The following MYO1E variants were observed in gnomAD, a reference collection of about 807,000 sequenced individuals.
The protein encoded by MYO1E is myosin IE.
MYO1E carries 68 observed loss-of-function variants against 151.1 expected under a neutral mutation model. The observed-to-expected ratio is 0.45, with a 90% confidence interval of 0.37 to 0.55. MYO1E has a LOEUF of 0.55. Among genes scored for constraint, MYO1E ranks in the 20% least tolerant of loss-of-function variants. MYO1E has a pLI of 0.00. For synonymous variants in MYO1E, 601 were observed against 501.7 expected (o/e 1.20, Z -2.64); for missense variants, 1,363 against 1,389.3 (o/e 0.98, Z 0.30).
Position 59,158,201 on chromosome 15 carries a change from T to C in MYO1E, c.2878+86A>G, listed in dbSNP as rs1684463687. 14 of 1,178,266 alleles carry C rather than the reference T, an allele frequency of 1.2e-5. No homozygotes were observed. In the South Asian group the frequency reaches 1.7e-4, roughly 14 times the overall value. 73.0% of individuals were successfully genotyped at this position (1,178,266 alleles called of 1,614,324 possible). ...GCCTGGTTAATATGTGTGCATTGAT[T>C]TGCTAATGGGTTTCTTCCCAAACAT... is the stretch of plus-strand genomic sequence containing the variant. On this transcript the variant is annotated intron_variant, in intron 25 of 27. Coordinates refer to ENST00000288235, the MANE Select transcript of MYO1E (RefSeq NM_004998.4).
At chr15:59,169,629 A>C (rs2079580528) in intron 22 of MYO1E, among the ~76,000 whole-genome samples, 3 of 152,314 alleles carry the variant, frequency 2.0e-5, no homozygotes, top group Admixed American at 2.0e-4. Flanking sequence ...ACAGCCTTTA[A>C]AAAGGAAAGA....
chr15:59,342,391 C>T (rs2080770879), intron 1 of MYO1E, among the ~76,000 whole-genome samples: 1 of 151,998 alleles, frequency 6.6e-6, no homozygotes. Context: ...TGATGTGATC[C>T]CATTTGTCCA....
At chr15:59,245,013 C>T (rs1044282648) in intron 4 of MYO1E, among the ~76,000 whole-genome samples, 1 of 152,140 alleles carries the variant, frequency 6.6e-6, no homozygotes, top group African/African-American at 2.4e-5. Context: ...TTACAGCCAG[C>T]GGCAGCCCCA....
At chr15:59,240,263 A>T (rs1325497714) in intron 4 of MYO1E, among the ~76,000 whole-genome samples, 7 of 152,244 alleles carry the variant, frequency 4.6e-5, no homozygotes, top group African/African-American at 1.7e-4. Context: ...ATTTCTAACA[A>T]ACTCCCTAGT....
chr15:59,368,301 C>T (rs1050466152), intron 1 of MYO1E, among the ~76,000 whole-genome samples: 15 of 152,338 alleles, frequency 9.8e-5, no homozygotes, highest in African/African-American at 3.1e-4. Context: ...CCTCCCTCCA[C>T]CAAATTATAA....
intron 1 of MYO1E, among the ~76,000 whole-genome samples, chr15:59,341,887 T>C (rs1478582042): frequency 1.3e-5 from 2 of 152,238 alleles, no homozygotes; most frequent in Non-Finnish European, 2.9e-5. Flanking sequence ...CACCTACCAA[T>C]GGAATTGCTG....
Position 59,236,377 on chromosome 15 carries a change from C to T in MYO1E, c.420+208G>A, listed in dbSNP as rs527918511. On this transcript the variant is annotated intron_variant, in intron 5 of 27. Coordinates refer to ENST00000288235, the MANE Select transcript of MYO1E (RefSeq NM_004998.4). The stretch of plus-strand genomic sequence containing the variant: ...GAAAAAAAAAAAATATATACACACA[C>T]ACACACACACACACACACACACACA... Among the ~76,000 whole-genome samples the T allele has an allele frequency of 0.075, 4,034 of 53,706 alleles. 338 individuals carry two copies. The highest frequency in any genetic ancestry group is 0.3 in the African/African-American group (3,772 of 12,596). The allele number at this position is 53,706 out of a possible 152,430, so 35.2% of individuals were successfully genotyped here.
intron 16 of MYO1E, 122 bp from the exon 17 acceptor site, chr15:59,195,689 T>C: frequency 9.9e-7 from 1 of 1,009,676 alleles, no homozygotes. Flanking sequence ...CATGACAATT[T>C]GCTCGTTAAG....
intron 7 of MYO1E, among the ~76,000 whole-genome samples, chr15:59,227,207 C>T (rs1036456058): frequency 6.6e-6 from 1 of 152,132 alleles, no homozygotes; most frequent in Non-Finnish European, 1.5e-5. Flanking sequence ...CAACACTCCT[C>T]GTTTTGTTTT....
chr15:59,271,548 A>C (rs1168392510), intron 2 of MYO1E, among the ~76,000 whole-genome samples: 1 of 152,216 alleles, frequency 6.6e-6, no homozygotes, highest in Non-Finnish European at 1.5e-5. Context: ...CAAATATCAC[A>C]GTTCCCTGTT....
intron 1 of MYO1E, among the ~76,000 whole-genome samples, chr15:59,352,496 G>C (rs143354431): frequency 6.6e-6 from 1 of 152,120 alleles, no homozygotes; most frequent in African/African-American, 2.4e-5. Flanking sequence ...ACCTAAATAC[G>C]CATGTGTCTA....
chr15:59,255,687 G>A (rs1056872136), intron 4 of MYO1E, among the ~76,000 whole-genome samples: 7 of 152,086 alleles, frequency 4.6e-5, no homozygotes, highest in South Asian at 2.1e-4. Context: ...TAACACAAAC[G>A]ATAGCTGAAG....
At chr15:59,185,889 C>T (rs1005274611) in intron 18 of MYO1E, among the ~76,000 whole-genome samples, 2 of 152,256 alleles carry the variant, frequency 1.3e-5, no homozygotes, top group East Asian at 3.9e-4. Context: ...CTAAACATCC[C>T]ACAATACACA....
At position 59,138,699 on chromosome 15, in the gene MYO1E, C is replaced by T. The variant is rs868617909; in HGVS notation, c.3081-332G>A. Among the ~76,000 whole-genome samples the T allele has an allele frequency of 8.5e-5, 13 of 152,282 alleles. No individual in the cohort carries two copies. In the East Asian group the frequency reaches 1.3e-3, roughly 16 times the overall value. Reference sequence around the variant, plus strand: ...AAATCAGGAACATTCAGGTATCTGTCCCTCCTTCCTCAAGTTTCGAAATGG... The same window carrying T: ...AAATCAGGAACATTCAGGTATCTGTTCCTCCTTCCTCAAGTTTCGAAATGG... On this transcript the variant is annotated intron_variant, in intron 26 of 27. Coordinates refer to ENST00000288235, the MANE Select transcript of MYO1E (RefSeq NM_004998.4).
chr15:59,184,409 G>A (rs933887891), intron 18 of MYO1E, among the ~76,000 whole-genome samples: 23 of 151,998 alleles, frequency 1.5e-4, no homozygotes, highest in Non-Finnish European at 2.8e-4. Context: ...TAGGTTGTAT[G>A]TAGTACAGTG....
intron 12 of MYO1E, among the ~76,000 whole-genome samples, chr15:59,213,142 A>T (rs201889248): frequency 7.3e-5 from 2 of 27,434 alleles, no homozygotes; most frequent in Non-Finnish European, 1.0e-4. Flanking sequence ...TTTATTTATT[A>T]TTATTATTAT....
chr15:59,163,020 C>CT, intron 23 of MYO1E, 137 bp downstream of exon 23: 1 of 955,724 alleles, frequency 1.0e-6, no homozygotes, highest in Non-Finnish European at 1.6e-6. Context: ...TCTGCAGGCT[C>CT]TAAGGTTCCA....
intron 14 of MYO1E, chr15:59,208,205 A>G: frequency 1.1e-6 from 1 of 913,282 alleles, no homozygotes; most frequent in South Asian, 2.0e-5. Context: ...AGGTAGAGTG[A>G]TTTTCCTATT....
At chr15:59,184,051 C>T (rs2079680840) in intron 18 of MYO1E, among the ~76,000 whole-genome samples, 2 of 152,186 alleles carry the variant, frequency 1.3e-5, no homozygotes, top group South Asian at 4.1e-4. Flanking sequence ...TTCTGTCACC[C>T]AGGCTTGAGG....
Sources: gnomAD v4.1 joint callset for allele counts (sites outside exome capture counted in the v4.1 genomes callset) on GRCh38, gnomAD v4.1.1 for gene constraint, MANE v1.5 for transcripts, NCBI Gene and HGNC (gene_info 2026-07-23, HGNC 2026-07-21) for gene names.